The following ASTN1 variants were observed in gnomAD, a reference collection of about 807,000 sequenced individuals.
ASTN1 encodes astrotactin 1.
Under a neutral mutation model 140.7 loss-of-function variants are expected in ASTN1, and 41 were observed. That is an observed-to-expected ratio of 0.29 (90% CI 0.23 to 0.38). The LOEUF (loss-of-function observed/expected upper bound fraction) is 0.38, where lower values mean the gene tolerates loss of function less well. Ranked by LOEUF, ASTN1 falls within the 10% of genes least tolerant of loss-of-function variation. The pLI is 1.00. For missense variants in ASTN1, 1,479 were observed against 1,678.8 expected, an observed-to-expected ratio of 0.88 and a Z score of 2.08; for synonymous variants, 640 against 652.2, an observed-to-expected ratio of 0.98 and a Z score of 0.29.
At chr1:176,938,520 G>A (rs981233803) in intron 14 of ASTN1, among the ~76,000 whole-genome samples, 1 of 152,220 alleles carries the variant, frequency 6.6e-6, no homozygotes, top group Non-Finnish European at 1.5e-5. Flanking sequence ...GCTGCAGTAG[G>A]CAGTTTCAAA....
chr1:177,114,741 T>C (rs1370607189), intron 1 of ASTN1, among the ~76,000 whole-genome samples: 1 of 152,184 alleles, frequency 6.6e-6, no homozygotes, highest in Non-Finnish European at 1.5e-5. Context: ...ACAGTTAAGA[T>C]ACACAACAGT....
chr1:177,020,853 G>T (rs1396983682), intron 7 of ASTN1, among the ~76,000 whole-genome samples: 2 of 151,954 alleles, frequency 1.3e-5, no homozygotes, highest in East Asian at 3.9e-4. Flanking sequence ...ATCTGTGTTT[G>T]TGTGTTTGTG....
intron 2 of ASTN1, among the ~76,000 whole-genome samples, chr1:177,058,057 T>C (rs1677898495): frequency 6.6e-6 from 1 of 152,218 alleles, no homozygotes; most frequent in Non-Finnish European, 1.5e-5. Context: ...AAATTGTTTC[T>C]AGAATAGAAT....
intron 16 of ASTN1, among the ~76,000 whole-genome samples, chr1:176,927,411 A>G (rs993002405): frequency 2.0e-5 from 3 of 152,202 alleles, no homozygotes; most frequent in Non-Finnish European, 4.4e-5. Flanking sequence ...AAAGGAAGGG[A>G]AGAAAGACCC....
intron 20 of ASTN1, among the ~76,000 whole-genome samples, chr1:176,880,864 A>G (rs772199201): frequency 6.6e-6 from 1 of 152,230 alleles, no homozygotes; most frequent in Non-Finnish European, 1.5e-5. Flanking sequence ...TGTTTCCTCA[A>G]TTAAAAAATG....
chr1:177,077,021 G>A (rs1678946308), intron 1 of ASTN1, among the ~76,000 whole-genome samples: 1 of 152,140 alleles, frequency 6.6e-6, no homozygotes, highest in Non-Finnish European at 1.5e-5. Flanking sequence ...TGGAATTGAG[G>A]CAGGCCATAA....
At chr1:176,926,652 G>A (rs934701827) in intron 16 of ASTN1, among the ~76,000 whole-genome samples, 2 of 152,160 alleles carry the variant, frequency 1.3e-5, no homozygotes, top group Admixed American at 6.5e-5. Flanking sequence ...GAAAATAACT[G>A]TATGCCATAA....
chr1:177,161,240 G>T (rs907786678), intron 1 of ASTN1, among the ~76,000 whole-genome samples: 1 of 152,120 alleles, frequency 6.6e-6, no homozygotes, highest in African/African-American at 2.4e-5. Context: ...ACTCTACAGA[G>T]CCAGGCCCAG....
chr1:177,062,544 CTTTT>C (rs1262248770), intron 1 of ASTN1, among the ~76,000 whole-genome samples: 1 of 128,712 alleles, frequency 7.8e-6, no homozygotes, highest in Non-Finnish European at 1.7e-5. Context: ...ATGGCCTGGC[CTTTT>C]TTTTTTTTTT....
intron 14 of ASTN1, among the ~76,000 whole-genome samples, chr1:176,940,717 C>A (rs551967943): frequency 1.3e-5 from 2 of 152,218 alleles, no homozygotes; most frequent in South Asian, 4.2e-4. Flanking sequence ...CCAAAAAGTC[C>A]TGTTATTTTG....
At chr1:176,958,583 G>A in intron 9 of ASTN1, 101 bp from the exon 10 acceptor site, 1 of 1,400,698 alleles carries the variant, frequency 7.1e-7, no homozygotes, top group Non-Finnish European at 9.4e-7. Flanking sequence ...CTCACCCTTT[G>A]TAGTCCTTTT....
At chr1:176,859,509 G>A (rs1667902411), downstream of ASTN1, among the ~76,000 whole-genome samples, 1 of 152,180 alleles carries the variant, frequency 6.6e-6, no homozygotes, top group South Asian at 2.1e-4. Context: ...CCCTGGCCGG[G>A]CACAGTGGTT....
chr1:177,121,571 T>C (rs1333108352), intron 1 of ASTN1, among the ~76,000 whole-genome samples: 4 of 152,140 alleles, frequency 2.6e-5, no homozygotes, highest in Non-Finnish European at 4.4e-5. Context: ...TTTCTGGAGC[T>C]TGGGGTAAAA....
intron 8 of ASTN1, 93 bp from the exon 9 acceptor site, chr1:176,965,330 CCCAG>C: frequency 1.6e-6 from 2 of 1,272,342 alleles, no homozygotes; most frequent in Non-Finnish European, 2.2e-6. Flanking sequence ...GTGGTAGACA[CCCAG>C]CCATCCAGGG....
intron 21 of ASTN1, among the ~76,000 whole-genome samples, chr1:176,870,400 T>C (rs1480756275): frequency 6.6e-6 from 1 of 152,236 alleles, no homozygotes; most frequent in African/African-American, 2.4e-5. Flanking sequence ...TGTAGCAGTT[T>C]CCAGAGTTGG....
At chr1:176,876,429 G>C in intron 21 of ASTN1, 108 bp downstream of exon 21, 2 of 1,159,144 alleles carry the variant, frequency 1.7e-6, no homozygotes, top group Non-Finnish European at 2.5e-6. Context: ...CTTCCCTGCT[G>C]AACTCCAGGT....
At chr1:177,059,623 C>T (rs1425859992) in intron 2 of ASTN1, among the ~76,000 whole-genome samples, 1 of 152,152 alleles carries the variant, frequency 6.6e-6, no homozygotes, top group Non-Finnish European at 1.5e-5. Flanking sequence ...GGTAACCTAT[C>T]AAGCCAGTTT....
intron 3 of ASTN1, among the ~76,000 whole-genome samples, chr1:177,031,830 C>T (rs1237813382): frequency 6.6e-6 from 1 of 152,206 alleles, no homozygotes; most frequent in African/African-American, 2.4e-5. Flanking sequence ...CTTTCTCTCT[C>T]TGCAGTTTTT....
rs897322971 is a variant in ASTN1, at chr1:177,032,788, C to T, written c.533G>A (p.Arg178Gln). ...GACCCGGCGGCGTTTGCACCAGCGCCGGCGAGTATACAGGATCATCACCAG... is the reference window on the plus strand; with the variant it reads ...GACCCGGCGGCGTTTGCACCAGCGCTGGCGAGTATACAGGATCATCACCAG... ...LCLVMILYTR[R>Q]RWCKRRRVPQ... The change falls in exon 3 of 23, where the codon CGG (arginine) becomes CAG (glutamine). Residue 178 changes from arginine (R) to glutamine (Q), a missense_variant. This residue lies in a region of ASTN1 where 729 missense variants were observed against 860.4 expected (regional missense o/e 0.85). Transcript: ENST00000361833. 8.1e-6 allele frequency: 13 copies of T among 1,612,670 alleles called. No individual in the cohort carries two copies. Among genetic ancestry groups the T allele is most frequent in the Admixed American group, 1.7e-5 (1 of 60,002 alleles).
Sources: gnomAD v4.1 joint callset for allele counts (sites outside exome capture counted in the v4.1 genomes callset) on GRCh38, gnomAD v4.1.1 for gene constraint, gnomAD v4.1.1 regional missense constraint, MANE v1.5 for transcripts, NCBI Gene and HGNC (gene_info 2026-07-23, HGNC 2026-07-21) for gene names.